ZNF728: variants seen among roughly 807,000 people sequenced by gnomAD.
ZNF728 encodes the protein zinc finger protein 728.
A neutral mutation model predicts 12.5 loss-of-function variants in ZNF728; 12 were observed. The observed-to-expected ratio is 0.96, with a 90% CI of 0.61 to 1.55. The LOEUF is 1.55. Among genes scored for constraint, ZNF728 ranks in the 40% most tolerant of loss-of-function variants. The pLI is 0.00. For missense variants in ZNF728, 692 were observed against 719.2 expected, an observed-to-expected ratio of 0.96 and a Z score of 0.43; for synonymous variants, 205 against 240.7, an observed-to-expected ratio of 0.85 and a Z score of 1.37.
intron 3 of ZNF728, among the ~76,000 whole-genome samples, chr19:22,986,775 T>C (rs902466223): frequency 3.3e-5 from 5 of 151,968 alleles, no homozygotes; most frequent in Admixed American, 1.3e-4. Flanking sequence ...AAACTGTGAA[T>C]AGCCAAGGAA....
chr19:22,975,046 T>C lies in ZNF728; in HGVS notation c.*422A>G, dbSNP rs1968778222. ...ACAGCCATTTAAAGGCTTTGTCACATTCTTCACATTTCTAGGATTTCTCAC... is the reference window on the plus strand; with the variant it reads ...ACAGCCATTTAAAGGCTTTGTCACACTCTTCACATTTCTAGGATTTCTCAC... On this transcript the variant is annotated 3_prime_UTR_variant, in exon 4 of 4. Coordinates refer to ENST00000594710, the MANE Select transcript of ZNF728 (RefSeq NM_001267716.2). 6.6e-6 allele frequency among the ~76,000 whole-genome samples: 1 copy of C among 152,240 alleles called. No homozygotes were observed. The highest frequency in any genetic ancestry group is 2.4e-5 in the African/African-American group (1 of 41,466).
Position 23,003,043 on chromosome 19 carries a change from G to C in ZNF728, c.-13C>G. On this transcript the variant is annotated 5_prime_UTR_variant, in exon 1 of 4. Coordinates refer to ENST00000594710, the MANE Select transcript of ZNF728 (RefSeq NM_001267716.2). Reference sequence around the variant, plus strand: ...GCTGACTCACCATTTCTAGGCTTCCGGGGGTCCTGGCGACTTAGTTGTGAA... The same window carrying C: ...GCTGACTCACCATTTCTAGGCTTCCCGGGGTCCTGGCGACTTAGTTGTGAA... The C allele has an allele frequency of 6.3e-7, 1 of 1,582,134 alleles. No homozygotes were observed. The highest frequency in any genetic ancestry group is 8.6e-7 in the Non-Finnish European group (1 of 1,164,266).
chr19:22,993,183 T>C (rs1032125648), intron 1 of ZNF728, among the ~76,000 whole-genome samples: 3 of 152,188 alleles, frequency 2.0e-5, no homozygotes, highest in Non-Finnish European at 4.4e-5. Flanking sequence ...ATGAAGAAGA[T>C]GTGAAAAGGT....
chr19:22,994,942 A>T (rs187945748), intron 1 of ZNF728: 5 of 153,292 alleles, frequency 3.3e-5, no homozygotes, highest in African/African-American at 1.2e-4. Flanking sequence ...GTGAACCCCA[A>T]TTGCCACAGC....
intron 3 of ZNF728, chr19:22,985,773 A>C (rs1968910127): frequency 6.6e-6 from 1 of 152,562 alleles, no homozygotes; most frequent in Non-Finnish European, 1.5e-5. Context: ...CCTTGGTCCC[A>C]ATAGCAGTTC....
intron 1 of ZNF728, among the ~76,000 whole-genome samples, chr19:22,991,785 TG>T: frequency 6.6e-6 from 1 of 152,146 alleles, no homozygotes; most frequent in South Asian, 2.1e-4. Flanking sequence ...AGGGTGAATA[TG>T]AACAGGGCTG....
chr19:22,975,948 C>A lies in ZNF728; in HGVS notation c.1389G>T (p.Trp463Cys), dbSNP rs758250758. 3.3e-5 allele frequency: 53 copies of A among 1,606,046 alleles called. No individual in the cohort carries two copies. In the East Asian group the frequency reaches 7.0e-4, roughly 21 times the overall value. ...KCEECGKVFS[W>C]SSSLTTHKAI... ...CCTTATGTGTAGTAAGGCTTGAGGACCAGCTGAAGACTTTGCCACATTCTT... is the reference window on the plus strand; with the variant it reads ...CCTTATGTGTAGTAAGGCTTGAGGAACAGCTGAAGACTTTGCCACATTCTT... Residue 463 changes from tryptophan (W) to cysteine (C), a missense_variant, in exon 4 of 4, where the codon TGG becomes TGT. This residue lies in a region of ZNF728 where 244 missense variants were observed against 235.2 expected (regional missense o/e 1.04). Coordinates refer to ENST00000594710, the MANE Select transcript of ZNF728 (RefSeq NM_001267716.2).
Position 22,976,065 on chromosome 19 carries a change from G to A in ZNF728, c.1272C>T (p.Tyr424=). 6.2e-7 allele frequency: 1 copy of A among 1,606,138 alleles called. No homozygotes were observed. Among genetic ancestry groups the A allele is most frequent in the African/African-American group, 1.3e-5 (1 of 74,880 alleles). Residue 424 remains tyrosine, a synonymous_variant, in exon 4 of 4, where the codon TAC becomes TAT. Transcript: ENST00000594710. ...HKIIHTGEKP[Y]KCEECGKAFT... is the part of the protein sequence containing the mutation. ...AGGCTTTGCCACATTCTTCACATTT[G>A]TAGGGTTTCTCTCCAGTATGAATTA...
chr19:22,987,087 TTGAAGGAAGATTAC>T, intron 3 of ZNF728, among the ~76,000 whole-genome samples: 1 of 152,158 alleles, frequency 6.6e-6, no homozygotes, highest in Non-Finnish European at 1.5e-5. Flanking sequence ...CACTGTAAAC[TTGAAGGAAGATTAC>T]TGAAGGGAAA....
intron 3 of ZNF728, among the ~76,000 whole-genome samples, chr19:22,978,307 A>AG (rs1968827037): frequency 6.6e-6 from 1 of 151,942 alleles, no homozygotes; most frequent in African/African-American, 2.4e-5. Flanking sequence ...AGTCCTAAAA[A>AG]AAAAAAAAAA....
At chr19:22,984,490 C>T (rs1215869983) in intron 3 of ZNF728, among the ~76,000 whole-genome samples, 1 of 145,560 alleles carries the variant, frequency 6.9e-6, no homozygotes, top group African/African-American at 2.6e-5. Flanking sequence ...ACCCGGGAGG[C>T]AGAGGTTGCA....
rs982675757 is a variant in ZNF728, at chr19:22,988,520, G to C, written c.4-69C>G. 1.9e-6 allele frequency: 3 copies of C among 1,589,392 alleles called. No homozygotes were observed. In the African/African-American group the frequency reaches 4.1e-5, roughly 22 times the overall value. On this transcript the variant is annotated intron_variant, in intron 1 of 3. Coordinates refer to ENST00000594710, the MANE Select transcript of ZNF728 (RefSeq NM_001267716.2). The stretch of plus-strand genomic sequence containing the variant: ...GGCAGAATTTTTAATTTGACTCAAG[G>C]TAAAATGGAAAGAGTAAAAAGAGCT...
intron 1 of ZNF728, 95 bp downstream of exon 1, chr19:23,002,933 G>C (rs1199589326): frequency 2.7e-6 from 4 of 1,501,220 alleles, no homozygotes; most frequent in Non-Finnish European, 3.7e-6. Flanking sequence ...TTGTGGAGCT[G>C]ACTGAGAGGA....
chr19:22,977,559 G>A (rs1968820073), intron 3 of ZNF728, among the ~76,000 whole-genome samples: 1 of 152,076 alleles, frequency 6.6e-6, no homozygotes, highest in Non-Finnish European at 1.5e-5. Context: ...TGAAAGATAT[G>A]GTGGTATACT....
chr19:22,997,723 C>T (rs917011779), intron 1 of ZNF728, among the ~76,000 whole-genome samples: 1 of 144,354 alleles, frequency 6.9e-6, no homozygotes, highest in African/African-American at 2.6e-5. Context: ...GGCATTAAAT[C>T]TATTTAAAAA....
intron 1 of ZNF728, among the ~76,000 whole-genome samples, chr19:22,996,514 T>C (rs1015350257): frequency 6.6e-6 from 1 of 152,222 alleles, no homozygotes; most frequent in African/African-American, 2.4e-5. Flanking sequence ...TTATTCTGCA[T>C]TGCTAAATTT....
At chr19:22,977,522 G>A (rs1968819692) in intron 3 of ZNF728, among the ~76,000 whole-genome samples, 1 of 151,878 alleles carries the variant, frequency 6.6e-6, no homozygotes, top group Non-Finnish European at 1.5e-5. Flanking sequence ...CCACACACTG[G>A]TTTCTGTCTC....
Position 22,989,145 on chromosome 19 carries a change from T to C in ZNF728, c.4-694A>G, listed in dbSNP as rs564232864. 5.3e-5 allele frequency among the ~76,000 whole-genome samples: 8 copies of C among 151,590 alleles called. No individual in the cohort carries two copies. In the South Asian group the frequency reaches 1.2e-3, roughly 24 times the overall value. On this transcript the variant is annotated intron_variant, in intron 1 of 3. Transcript: ENST00000594710. ...GTATATTGTTCAGATGGAATAGACA[T>C]GTTGAGTTAGAAGGTATCACTCAAA...
At chr19:22,988,236 T>G (rs1968940183) in intron 2 of ZNF728, 89 bp downstream of exon 2, 1 of 1,595,338 alleles carries the variant, frequency 6.3e-7, no homozygotes, top group Non-Finnish European at 8.5e-7. Context: ...TATTCCTGCA[T>G]TCATCCTCCT....
Sources: gnomAD v4.1 joint callset for allele counts (sites outside exome capture counted in the v4.1 genomes callset) on GRCh38, gnomAD v4.1.1 for gene constraint, gnomAD v4.1.1 regional missense constraint, MANE v1.5 for transcripts, NCBI Gene and HGNC (gene_info 2026-07-23, HGNC 2026-07-21) for gene names.